DENND1A: variants seen among roughly 807,000 people sequenced by gnomAD.
DENND1A encodes the protein DENN domain containing 1A.
A neutral mutation model predicts 113.7 loss-of-function variants in DENND1A; 51 were observed. That is an observed-to-expected ratio of 0.45 (90% CI 0.36 to 0.57). The LOEUF (loss-of-function observed/expected upper bound fraction) is 0.57. DENND1A is among the 20% of genes least tolerant of loss of function. The pLI, the probability that DENND1A is intolerant of heterozygous loss-of-function variation, is 0.00. For synonymous variants in DENND1A, 565 were observed against 570.8 expected (o/e 0.99, Z 0.14); for missense variants, 1,258 against 1,395.9 (o/e 0.90, Z 1.57).
chr9:123,778,125 G>T (rs1326763885), intron 3 of DENND1A, among the ~76,000 whole-genome samples: 1 of 151,990 alleles, frequency 6.6e-6, no homozygotes, highest in Non-Finnish European at 1.5e-5. Flanking sequence ...ACACTCAAGG[G>T]TTTTAATTTT....
intron 13 of DENND1A, among the ~76,000 whole-genome samples, chr9:123,544,481 A>G (rs2056513534): frequency 6.6e-6 from 1 of 152,226 alleles, no homozygotes; most frequent in Admixed American, 6.5e-5. Context: ...ATGCCCTCAA[A>G]TCACATGTAA....
chr9:123,414,499 A>G, intron 19 of DENND1A: 1 of 1,542,872 alleles, frequency 6.5e-7, no homozygotes, highest in Non-Finnish European at 8.7e-7. Context: ...TGGGAGACGC[A>G]TTGTGTGAAG....
chr9:123,537,782 G>C (rs1204432037), intron 13 of DENND1A, among the ~76,000 whole-genome samples: 2 of 152,176 alleles, frequency 1.3e-5, no homozygotes, highest in African/African-American at 4.8e-5. Context: ...ACTCAAAATA[G>C]AATGTATGAG....
At chr9:123,820,155 T>C (rs1205696551) in intron 2 of DENND1A, among the ~76,000 whole-genome samples, 1 of 152,182 alleles carries the variant, frequency 6.6e-6, no homozygotes, top group Non-Finnish European at 1.5e-5. Context: ...TAATGTTCTA[T>C]GTAAGCCAGT....
At chr9:123,808,580 C>T (rs1835998228) in intron 2 of DENND1A, among the ~76,000 whole-genome samples, 1 of 152,018 alleles carries the variant, frequency 6.6e-6, no homozygotes, top group South Asian at 2.1e-4. Flanking sequence ...CAGGGTTTTG[C>T]CATGTTGCCC....
At chr9:123,775,529 G>A (rs1381342206) in intron 3 of DENND1A, among the ~76,000 whole-genome samples, 9 of 145,756 alleles carry the variant, frequency 6.2e-5, no homozygotes, top group African/African-American at 1.5e-4. Flanking sequence ...AAGAAAAGGG[G>A]AAAAAAAAAA....
At chr9:123,674,342 TCACACACACACA>T (rs546398875) in intron 6 of DENND1A, among the ~76,000 whole-genome samples, 14,379 of 132,372 alleles carry the variant, frequency 0.11, 839 homozygotes, top group Admixed American at 0.13. Flanking sequence ...TGTCTCTCTC[TCACACACACACA>T]CACACACACA....
intron 11 of DENND1A, among the ~76,000 whole-genome samples, chr9:123,591,768 A>C (rs1255826009): frequency 6.6e-6 from 1 of 152,248 alleles, no homozygotes; most frequent in Non-Finnish European, 1.5e-5. Flanking sequence ...TGTAAGCCCG[A>C]ATGGACAATG....
intron 21 of DENND1A, among the ~76,000 whole-genome samples, chr9:123,391,386 T>C (rs938906737): frequency 6.6e-6 from 1 of 152,192 alleles, no homozygotes; most frequent in Non-Finnish European, 1.5e-5. Flanking sequence ...CGAAATGCTG[T>C]CCATACAATT....
chr9:123,676,586 A>G (rs2064089182), intron 6 of DENND1A, 134 bp downstream of exon 6: 1 of 712,986 alleles, frequency 1.4e-6, no homozygotes, highest in African/African-American at 1.8e-5. Context: ...CCTTCCTATT[A>G]TTTTCTGAAT....
intron 19 of DENND1A, among the ~76,000 whole-genome samples, chr9:123,435,874 C>T (rs149215672): frequency 7.9e-5 from 12 of 152,286 alleles, no homozygotes; most frequent in African/African-American, 2.9e-4. Flanking sequence ...CTCATGTGTA[C>T]GATGGGTAAA....
At chr9:123,614,068 C>A (rs2060533001) in intron 10 of DENND1A, among the ~76,000 whole-genome samples, 1 of 152,198 alleles carries the variant, frequency 6.6e-6, no homozygotes, top group Admixed American at 6.5e-5. Context: ...AATTCAGTCA[C>A]CTTTATGCAT....
At chr9:123,408,756 A>C (rs2044080754) in intron 20 of DENND1A, among the ~76,000 whole-genome samples, 1 of 152,148 alleles carries the variant, frequency 6.6e-6, no homozygotes, top group Non-Finnish European at 1.5e-5. Context: ...CTGTCTCCCG[A>C]GTCCTCAGTT....
chr9:123,531,705 C>T (rs116843099), intron 13 of DENND1A, among the ~76,000 whole-genome samples: 8,250 of 151,962 alleles, frequency 0.054, 316 homozygotes, highest in Non-Finnish European at 0.081. Context: ...TTAAGCATTC[C>T]TAAAAATCAT....
intron 13 of DENND1A, among the ~76,000 whole-genome samples, chr9:123,520,715 C>T (rs1564642033): frequency 6.6e-6 from 1 of 152,230 alleles, no homozygotes; most frequent in Non-Finnish European, 1.5e-5. Flanking sequence ...TCTGACCTTC[C>T]AATGCTCGAT....
intron 9 of DENND1A, among the ~76,000 whole-genome samples, chr9:123,640,203 T>C (rs941129467): frequency 6.6e-6 from 1 of 152,142 alleles, no homozygotes; most frequent in Non-Finnish European, 1.5e-5. Flanking sequence ...AAAAGCATTA[T>C]GAAAGAGATG....
chr9:123,634,038 C>G (rs1589440201), intron 9 of DENND1A, among the ~76,000 whole-genome samples: 1 of 152,226 alleles, frequency 6.6e-6, no homozygotes, highest in Middle Eastern at 3.4e-3. Flanking sequence ...TAGAATGAAC[C>G]TGGTTAAGAC....
In DENND1A at chr9:123,613,442, C is replaced by T. The variant is rs182397631; in HGVS notation, c.720-3961G>A. 7.9e-5 allele frequency among the ~76,000 whole-genome samples: 12 copies of T among 152,178 alleles called. No individual in the cohort carries two copies. In the East Asian group the frequency reaches 1.5e-3, roughly 20 times the overall value. On this transcript the variant is annotated intron_variant, in intron 10 of 23. Coordinates refer to ENST00000394215, the MANE Select transcript of DENND1A (RefSeq NM_001352964.2). ...TGTTTTTCCAAGGGTATCTCAGTTACAAAACCAAACCAAAATCCATCTACT... is the reference window on the plus strand; with the variant it reads ...TGTTTTTCCAAGGGTATCTCAGTTATAAAACCAAACCAAAATCCATCTACT...
chr9:123,516,901 A>AAAAAAAAAAAAAAAAAAAG (rs2053969602), intron 13 of DENND1A, among the ~76,000 whole-genome samples: 1 of 33,542 alleles, frequency 3.0e-5, no homozygotes, highest in Non-Finnish European at 1.2e-4. Flanking sequence ...AAAAAAAAAA[A>AAAAAAAAAAAAAAAAAAAG]AAAAAAAAAA....
Sources: allele counts gnomAD v4.1 joint callset (sites outside exome capture counted in the v4.1 genomes callset), GRCh38; gene constraint gnomAD v4.1.1; transcripts MANE v1.5; gene names NCBI Gene and HGNC (gene_info 2026-07-23, HGNC 2026-07-21).